The following ADGRG2 variants were observed in gnomAD, a reference collection of about 807,000 sequenced individuals.
The protein encoded by ADGRG2 is adhesion G protein-coupled receptor G2, also known as G protein-coupled receptor 64.
A neutral mutation model predicts 74.1 loss-of-function variants in ADGRG2; 26 were observed. The ratio of observed to expected loss-of-function variants is 0.35; its 90% CI spans 0.26 to 0.49. The LOEUF is 0.49. ADGRG2 is among the 20% of genes least tolerant of loss of function. The pLI is 0.99. For synonymous variants in ADGRG2, 296 were observed against 295.2 expected, an observed-to-expected ratio of 1.00 and a Z score of -0.03; for missense variants, 619 against 763.1, an observed-to-expected ratio of 0.81 and a Z score of 2.22.
intron 8 of ADGRG2, chrX:19,032,177 C>T (rs1301547265): frequency 1.8e-5 from 2 of 111,609 alleles, no homozygotes; most frequent in Non-Finnish European, 3.8e-5. Flanking sequence ...GATGTACAGG[C>T]ATCATGCTTT....
chrX:19,009,871 C>T (rs1257279101), intron 17 of ADGRG2, 89 bp from the exon 18 acceptor site: 10 of 718,497 alleles, frequency 1.4e-5, no homozygotes, highest in East Asian at 3.7e-5. Context: ...GGTGCAGTGG[C>T]GTGATCTCGG....
chrX:19,108,758 A>T (rs1325352168), intron 1 of ADGRG2, among the ~76,000 whole-genome samples: 1 of 111,761 alleles, frequency 8.9e-6, no homozygotes, highest in East Asian at 2.8e-4. Flanking sequence ...AGTGAGTGAA[A>T]GGAGGCAAGA....
intron 16 of ADGRG2, among the ~76,000 whole-genome samples, chrX:19,012,662 A>G (rs1305074619): frequency 9.1e-6 from 1 of 109,556 alleles, no homozygotes; most frequent in African/African-American, 3.3e-5. Context: ...AACAATTTAA[A>G]AAACTTTACT....
In ADGRG2 at chrX:19,007,322, G is replaced by A. The variant is rs756612927; in HGVS notation, c.1602C>T (p.Tyr534=). 1.1e-5 allele frequency: 13 copies of A among 1,204,379 alleles called. No homozygotes were observed. Among genetic ancestry groups the A allele is most frequent in the African/African-American group, 3.5e-5 (2 of 57,144 alleles). ...GGTTTGCAACACTCGATGATATGAC[G>A]TAGCTGATCAGAGAGAGGTTCTCCA... The part of the protein sequence containing the change: ...PSLENLSLIS[Y]VISSSVANLT... The change falls in exon 20 of 29, where the codon TAC becomes TAT. Residue 534 remains tyrosine, a synonymous_variant. Coordinates refer to ENST00000379869, the MANE Select transcript of ADGRG2 (RefSeq NM_001079858.3).
At chrX:19,063,817 G>A in intron 3 of ADGRG2, among the ~76,000 whole-genome samples, 1 of 112,243 alleles carries the variant, frequency 8.9e-6, no homozygotes, top group East Asian at 2.8e-4. Flanking sequence ...TCTAGAGGTA[G>A]TAAGATTTGG....
chrX:19,028,118 C>T (rs765187767), intron 10 of ADGRG2, 65 bp downstream of exon 10: 8 of 610,025 alleles, frequency 1.3e-5, no homozygotes, highest in Non-Finnish European at 2.2e-5. Flanking sequence ...GAACCTCAAA[C>T]AAATGTTTAA....
At chrX:19,006,196 G>C in intron 21 of ADGRG2, 24 bp downstream of exon 21, 1 of 1,165,520 alleles carries the variant, frequency 8.6e-7, no homozygotes, top group Non-Finnish European at 1.2e-6. Flanking sequence ...TCAAGAGTTT[G>C]AAAAGGTTAT....
intron 4 of ADGRG2, among the ~76,000 whole-genome samples, chrX:19,038,255 A>G (rs918205483): frequency 1.8e-5 from 2 of 112,414 alleles, no homozygotes; most frequent in African/African-American, 3.2e-5. Context: ...AAAAGATTCA[A>G]TGGCTTGACC....
intron 3 of ADGRG2, among the ~76,000 whole-genome samples, chrX:19,060,056 C>T (rs1361585333): frequency 3.6e-5 from 4 of 111,846 alleles, no homozygotes; most frequent in African/African-American, 6.5e-5. Flanking sequence ...TGCTTGAAGC[C>T]GGGAGGCGGA....
At chrX:19,008,235 T>TA (rs397951783) in intron 18 of ADGRG2, 112 bp from the exon 19 acceptor site, 160 of 475,722 alleles carry the variant, frequency 3.4e-4, no homozygotes, top group South Asian at 2.5e-3. Flanking sequence ...ATTTTTTTTT[T>TA]AAAAAAAGAT....
intron 2 of ADGRG2, among the ~76,000 whole-genome samples, chrX:19,074,731 G>A (rs1033162703): frequency 4.7e-5 from 5 of 106,231 alleles, no homozygotes; most frequent in African/African-American, 6.9e-5. Flanking sequence ...CACCACACCC[G>A]GCTAATTTTT....
intron 1 of ADGRG2, among the ~76,000 whole-genome samples, chrX:19,084,226 C>A (rs764070517): frequency 1.8e-5 from 2 of 109,718 alleles, no homozygotes; most frequent in African/African-American, 3.3e-5. Context: ...ACCACATATT[C>A]TCACTTATAA....
At chrX:19,085,965 C>T (rs2061928708) in intron 1 of ADGRG2, among the ~76,000 whole-genome samples, 1 of 111,492 alleles carries the variant, frequency 9.0e-6, no homozygotes, top group East Asian at 2.8e-4. Context: ...GGTTTCAGGG[C>T]CAAGAAACCA....
At chrX:19,101,101 TTGTGTGTG>T (rs10579733) in intron 1 of ADGRG2, among the ~76,000 whole-genome samples, 4,463 of 89,771 alleles carry the variant, frequency 0.05, 92 homozygotes, top group Middle Eastern at 0.096. Flanking sequence ...AATCATGAGA[TTGTGTGTG>T]TGTGTGTGTG....
rs188497263 is a variant in ADGRG2 at position 19,026,858 on chromosome X, A to G, written c.470+361T>C. 3.6e-5 allele frequency among the ~76,000 whole-genome samples: 4 copies of G among 111,593 alleles called. No individual in the cohort carries two copies. The Admixed American group carries it at 3.8e-4, about 11-fold the overall frequency. ...TGCTTGTCCTTCTAAGCCCAGGTCTACTTAACAAAGACTTTTCTCTGACTT... is the reference window on the plus strand; with the variant it reads ...TGCTTGTCCTTCTAAGCCCAGGTCTGCTTAACAAAGACTTTTCTCTGACTT... On this transcript the variant is annotated intron_variant, in intron 11 of 28. Coordinates refer to ENST00000379869, the MANE Select transcript of ADGRG2 (RefSeq NM_001079858.3).
At chrX:19,025,113 C>T (rs1043763282) in intron 11 of ADGRG2, among the ~76,000 whole-genome samples, 1 of 111,810 alleles carries the variant, frequency 8.9e-6, no homozygotes, top group Non-Finnish European at 1.9e-5. Flanking sequence ...CCTATCCCTC[C>T]GCTGCAGTCC....
intron 3 of ADGRG2, among the ~76,000 whole-genome samples, chrX:19,047,958 A>G (rs1376741444): frequency 2.7e-5 from 3 of 111,685 alleles, no homozygotes; most frequent in Non-Finnish European, 5.7e-5. Flanking sequence ...TGACATCATT[A>G]AAAAAAACTT....
chrX:19,032,845 C>G, intron 8 of ADGRG2: 1 of 111,945 alleles, frequency 8.9e-6, no homozygotes, highest in Non-Finnish European at 1.9e-5. Flanking sequence ...GTTTGCCAAC[C>G]GCTACTTGAA....
chrX:19,103,968 C>G (rs980931806), intron 1 of ADGRG2, among the ~76,000 whole-genome samples: 1 of 111,135 alleles, frequency 9.0e-6, no homozygotes, highest in African/African-American at 3.3e-5. Flanking sequence ...CCCAGGCAGC[C>G]CTAAAATCCC....
Sources: allele counts gnomAD v4.1 joint callset (sites outside exome capture counted in the v4.1 genomes callset), GRCh38; gene constraint gnomAD v4.1.1; transcripts MANE v1.5; gene names NCBI Gene and HGNC (gene_info 2026-07-23, HGNC 2026-07-21).